The following DPYD variants were observed in gnomAD, a reference collection of about 807,000 sequenced individuals.
DPYD encodes dihydropyrimidine dehydrogenase [NADP(+)].
DPYD carries 109 observed loss-of-function variants against 116.2 expected under a neutral mutation model. The ratio of observed to expected loss-of-function variants is 0.94; its 90% confidence interval spans 0.80 to 1.10. The LOEUF is 1.10. Ranked by LOEUF, DPYD falls within the 50% of genes least tolerant of loss-of-function variation. The pLI, the probability that DPYD is intolerant of heterozygous loss-of-function variation, is 0.00. For missense variants in DPYD, 1,302 were observed against 1,254.5 expected (o/e 1.04, Z -0.57); for synonymous variants, 440 against 432.0 (o/e 1.02, Z -0.23).
chr1:97,575,620 C>G (rs1046818364), intron 10 of DPYD, among the ~76,000 whole-genome samples: 23 of 152,062 alleles, frequency 1.5e-4, no homozygotes, highest in African/African-American at 5.1e-4. Flanking sequence ...AAGAAATTAG[C>G]AATATAAAAC....
chr1:97,789,313 A>C (rs1049815382), intron 3 of DPYD, among the ~76,000 whole-genome samples: 1 of 152,234 alleles, frequency 6.6e-6, no homozygotes, highest in African/African-American at 2.4e-5. Flanking sequence ...AATATAACTA[A>C]TCACATGAGC....
At chr1:97,839,342 T>C (rs533034668) in intron 2 of DPYD, among the ~76,000 whole-genome samples, 1 of 152,334 alleles carries the variant, frequency 6.6e-6, no homozygotes, top group African/African-American at 2.4e-5. Flanking sequence ...CAACCTAACA[T>C]CTAATTCTAC....
intron 4 of DPYD, 146 bp from the exon 5 acceptor site, chr1:97,721,817 G>A: frequency 1.4e-6 from 1 of 735,776 alleles, no homozygotes; most frequent in Middle Eastern, 4.0e-4. Flanking sequence ...ACTACTATCA[G>A]GAACCATCAA....
intron 8 of DPYD, among the ~76,000 whole-genome samples, chr1:97,648,762 T>C (rs535283580): frequency 1.3e-5 from 2 of 152,068 alleles, no homozygotes; most frequent in Non-Finnish European, 2.9e-5. Context: ...GCAAATTATA[T>C]GATTATTCAT....
chr1:97,778,313 T>C (rs899633451), intron 3 of DPYD, among the ~76,000 whole-genome samples: 3 of 151,394 alleles, frequency 2.0e-5, no homozygotes, highest in African/African-American at 4.8e-5. Context: ...TTAGAAAGCA[T>C]ACCCATAAAC....
At chr1:97,643,790 G>A (rs1184850299) in intron 8 of DPYD, among the ~76,000 whole-genome samples, 1 of 152,146 alleles carries the variant, frequency 6.6e-6, no homozygotes, top group Non-Finnish European at 1.5e-5. Flanking sequence ...GCAGGGACAT[G>A]GATGAAGCTG....
intron 13 of DPYD, among the ~76,000 whole-genome samples, chr1:97,513,943 T>C (rs1471434699): frequency 2.6e-5 from 4 of 151,886 alleles, no homozygotes; most frequent in Non-Finnish European, 4.4e-5. Context: ...GGTGGCTTCA[T>C]TATTTTTGTC....
intron 3 of DPYD, among the ~76,000 whole-genome samples, chr1:97,800,488 A>G (rs1667794957): frequency 1.3e-5 from 2 of 151,906 alleles, no homozygotes; most frequent in South Asian, 4.1e-4. Flanking sequence ...CTGCACAGCA[A>G]TGGAACTTAA....
intron 3 of DPYD, among the ~76,000 whole-genome samples, chr1:97,756,424 G>A (rs548725006): frequency 2.6e-4 from 39 of 152,218 alleles, no homozygotes; most frequent in Admixed American, 9.8e-4. Flanking sequence ...TTTTTGCCTC[G>A]TTTATTCCTC....
chr1:97,161,517 G>A (rs1042317187), intron 20 of DPYD, among the ~76,000 whole-genome samples: 11 of 152,114 alleles, frequency 7.2e-5, no homozygotes, highest in Admixed American at 3.3e-4. Flanking sequence ...AATATACAGA[G>A]ACATTATCCT....
rs548353041 is a variant in DPYD at position 97,339,959 on chromosome 1, G to A, written c.2058+33602C>T. Among the ~76,000 whole-genome samples, 7 of 152,234 alleles carry A rather than the reference G, an allele frequency of 4.6e-5. No individual in the cohort carries two copies. The East Asian group carries it at 1.4e-3, about 29-fold the overall frequency. On this transcript the variant is annotated intron_variant, in intron 16 of 22. Coordinates refer to ENST00000370192, the MANE Select transcript of DPYD (RefSeq NM_000110.4). ...AGGTACAGGGAGTAGAGATTCAGGA[G>A]TAAAATGGGCAAGTAGGCTGTCTTA...
intron 2 of DPYD, among the ~76,000 whole-genome samples, chr1:97,873,775 T>C (rs1034611949): frequency 1.3e-5 from 2 of 152,038 alleles, no homozygotes; most frequent in Non-Finnish European, 1.5e-5. Context: ...AAGCAGTGTT[T>C]AACACACACT....
rs1313270168 is a variant in DPYD, at chr1:97,883,392, A to G, written c.40-18T>C. On this transcript the variant is annotated intron_variant, in intron 1 of 22. Transcript: ENST00000370192. ...AGGATACTCTAAAGACAGCATAAAC[A>G]ATGTGTAAATATATGGAAATATGTT... 3 of 1,483,562 alleles carry G rather than the reference A, an allele frequency of 2.0e-6. No homozygotes were observed. The highest frequency in any genetic ancestry group is 1.7e-5 in the Admixed American group (1 of 59,718). The allele number at this position is 1,483,562 out of a possible 1,614,324, so 91.9% of individuals were successfully genotyped here.
chr1:97,093,632 G>A (rs533386417), intron 21 of DPYD, among the ~76,000 whole-genome samples: 3 of 152,236 alleles, frequency 2.0e-5, no homozygotes, highest in Admixed American at 6.5e-5. Flanking sequence ...GCTATGAAAC[G>A]GCAATGCCAT....
In DPYD at chr1:97,542,891, T is replaced by G. The variant is rs78935356; in HGVS notation, c.1524+6669A>C. ...TTTGCAACTACCTAAAATATCCTAT[T>G]TCAATATTCATCTGTTAAGACTCTA... On this transcript the variant is annotated intron_variant, in intron 12 of 22. Transcript: ENST00000370192. Among the ~76,000 whole-genome samples, 646 of 152,322 alleles carry G rather than the reference T, an allele frequency of 4.2e-3. 2 individuals carry two copies. The highest frequency in any genetic ancestry group is 7.5e-3 in the Non-Finnish European group (507 of 68,022).
At chr1:97,525,887 C>CGT (rs1473745874) in intron 12 of DPYD, among the ~76,000 whole-genome samples, 1 of 45,458 alleles carries the variant, frequency 2.2e-5, no homozygotes, top group Non-Finnish European at 4.3e-5. Flanking sequence ...TGTGTGTGTG[C>CGT]GCGCGCGCGT....
chr1:97,547,080 T>C lies in DPYD; in HGVS notation c.1524+2480A>G, dbSNP rs574872740. The C allele has an allele frequency of 1.3e-5, 12 of 942,598 alleles. No individual in the cohort carries two copies. The East Asian group carries it at 2.9e-4, about 23-fold the overall frequency. The allele number at this position is 942,598 out of a possible 1,614,324, so 58.4% of individuals were successfully genotyped here. Reference sequence around the variant, plus strand: ...GATGTTGAGGGAGGTGTAGTTTTTTTACTCTAGAAATGGGTGCATAATATA... The same window carrying C: ...GATGTTGAGGGAGGTGTAGTTTTTTCACTCTAGAAATGGGTGCATAATATA... On this transcript the variant is annotated intron_variant, in intron 12 of 22. Transcript: ENST00000370192.
At chr1:97,495,069 G>A (rs1679188045) in intron 13 of DPYD, among the ~76,000 whole-genome samples, 1 of 152,136 alleles carries the variant, frequency 6.6e-6, no homozygotes, top group African/African-American at 2.4e-5. Flanking sequence ...TGAAGTCTGA[G>A]AAATTTTATC....
chr1:97,178,154 G>C (rs1657418330), intron 20 of DPYD, among the ~76,000 whole-genome samples: 1 of 152,120 alleles, frequency 6.6e-6, no homozygotes. Flanking sequence ...GGAAAGAAAG[G>C]CTATGTGGTA....
Sources: allele counts gnomAD v4.1 joint callset (sites outside exome capture counted in the v4.1 genomes callset), GRCh38; gene constraint gnomAD v4.1.1; transcripts MANE v1.5; gene names NCBI Gene and HGNC (gene_info 2026-07-23, HGNC 2026-07-21).